INF2: variants seen among roughly 807,000 people sequenced by gnomAD.
The protein encoded by INF2 is inverted formin 2, also known as inverted formin-2.
Under a neutral mutation model 123.5 loss-of-function variants are expected in INF2, and 43 were observed. That is an observed-to-expected ratio of 0.35 (90% CI 0.27 to 0.45). The LOEUF (loss-of-function observed/expected upper bound fraction) is 0.45, where lower values mean the gene tolerates loss of function less well. INF2 is among the 20% of genes least tolerant of loss of function. The pLI, the probability that INF2 is intolerant of heterozygous loss-of-function variation, is 1.00. For synonymous variants in INF2, 851 were observed against 745.0 expected (o/e 1.14, Z -2.32); for missense variants, 1,453 against 1,682.7 (o/e 0.86, Z 2.39).
Position 104,701,642 on chromosome 14 carries a change from T to G in INF2, c.277T>G (p.Ser93Ala), listed in dbSNP as rs1210129799. Residue 93 changes from serine to alanine, a missense_variant, in exon 2 of 23, where the codon TCC becomes GCC. By Grantham distance (99) the Ser-to-Ala change is moderately conservative. Coordinates refer to ENST00000392634, the MANE Select transcript of INF2 (RefSeq NM_022489.4). The part of the protein sequence containing the change: ...RLSGRGVARI[S>A]DALLQLTCVS... ...GTCGGGCCGCGGCGTTGCACGTATC[T>G]CCGACGCCCTGCTGCAGCTCACCTG... The G allele has an allele frequency of 5.6e-6, 9 of 1,598,318 alleles. 1 individual carries two copies. In the East Asian group the frequency reaches 6.7e-5, roughly 12 times the overall value.
intron 18 of INF2, 21 bp from the exon 19 acceptor site, chr14:104,713,186 G>A (rs1240199370): frequency 6.4e-7 from 1 of 1,563,244 alleles, no homozygotes; most frequent in Admixed American, 1.9e-5. Context: ...TGGGGTGACG[G>A]GGCCACATCT....
intron 1 of INF2, chr14:104,700,793 G>C: frequency 1.0e-6 from 1 of 979,406 alleles, no homozygotes; most frequent in Non-Finnish European, 1.2e-6. Context: ...CTGAGGCCCA[G>C]GGGAGACCTG....
chr14:104,707,710 A>G lies in INF2; in HGVS notation c.1443A>G (p.Pro481=). ...PPAPPLPPPL[P]GSCEFLPPPP... ...CACCTCCTCTACCACCACCCCTGCCAGGCTCCTGTGAGTTCCTGCCCCCAC... is the reference window on the plus strand; with the variant it reads ...CACCTCCTCTACCACCACCCCTGCCGGGCTCCTGTGAGTTCCTGCCCCCAC... The change falls in exon 8 of 23, where the codon CCA becomes CCG. Residue 481 remains proline (P), a synonymous_variant. Transcript: ENST00000392634. 2.3e-6 allele frequency: 2 copies of G among 869,126 alleles called. No individual in the cohort carries two copies. Among genetic ancestry groups the G allele is most frequent in the Non-Finnish European group, 3.1e-6 (2 of 649,386 alleles). 53.8% of individuals were successfully genotyped at this position (869,126 alleles called of 1,614,324 possible). A position where few individuals can be genotyped will look rare whatever the true frequency, so the allele number is the denominator to read the frequency against.
intron 1 of INF2, chr14:104,691,389 G>A (rs1327980147): frequency 6.6e-6 from 1 of 152,264 alleles, no homozygotes; most frequent in Non-Finnish European, 1.5e-5. Context: ...GGACAGTGAA[G>A]TAAGCTCAAG....
chr14:104,692,867 G>A (rs1889019919), intron 1 of INF2, among the ~76,000 whole-genome samples: 1 of 152,246 alleles, frequency 6.6e-6, no homozygotes, highest in South Asian at 2.1e-4. Context: ...AGGCAGCAGG[G>A]AGGGAGAGAG....
upstream of INF2, among the ~76,000 whole-genome samples, chr14:104,688,357 C>G (rs1257184777): frequency 1.3e-5 from 2 of 152,092 alleles, no homozygotes; most frequent in Admixed American, 6.5e-5. Flanking sequence ...CCCACCGGAG[C>G]GGAGGCACAC....
intron 22 of INF2, chr14:104,717,427 G>C (rs567881097): frequency 2.0e-5 from 3 of 152,262 alleles, no homozygotes; most frequent in Non-Finnish European, 4.4e-5. Context: ...TCTAATACTC[G>C]GTCCCAGTGC....
chr14:104,697,478 G>A (rs536543814), intron 1 of INF2, among the ~76,000 whole-genome samples: 29 of 152,254 alleles, frequency 1.9e-4, no homozygotes, highest in Non-Finnish European at 4.0e-4. Context: ...CTGCACCGCA[G>A]GGGCTAGGCA....
chr14:104,719,224 G>A lies in INF2; in HGVS notation c.*431G>A, dbSNP rs147810124. 188 of 177,784 alleles carry A rather than the reference G, an allele frequency of 1.1e-3. 2 individuals carry two copies. Among genetic ancestry groups the A allele is most frequent in the African/African-American group, 4.3e-3 (181 of 42,292 alleles). The allele number at this position is 177,784 out of a possible 1,614,324, so 11.0% of individuals were successfully genotyped here. On this transcript the variant is annotated 3_prime_UTR_variant, in exon 23 of 23. Coordinates refer to ENST00000392634, the MANE Select transcript of INF2 (RefSeq NM_022489.4). ...ACTGCTTGGAGGTGGCTGAGTTGGG[G>A]GCCCTGGGCAGGGGTAAGCTGGCAG... is the stretch of plus-strand genomic sequence containing the variant.
At chr14:104,708,347 A>G (rs1889882629) in intron 8 of INF2, 89 bp from the exon 9 acceptor site, 1 of 1,523,020 alleles carries the variant, frequency 6.6e-7, no homozygotes, top group African/African-American at 1.4e-5. Context: ...GACATCCTTT[A>G]GACCCTCTGG....
intron 22 of INF2, among the ~76,000 whole-genome samples, chr14:104,717,308 CAGGGCGCGCTGCCGTCCTCCTAGTCCG>C (rs1890352583): frequency 1.8e-5 from 2 of 112,668 alleles, no homozygotes; most frequent in African/African-American, 7.3e-5. Flanking sequence ...CCCCCCCGGG[CAGGGCGCGCTGCCGTCCTCCTAGTCCG>C]CCCCCCCGGG....
chr14:104,715,176 CAG>C, intron 21 of INF2, 106 bp from the exon 22 acceptor site: 1 of 1,105,992 alleles, frequency 9.0e-7, no homozygotes, highest in Non-Finnish European at 1.4e-6. Flanking sequence ...GGGCAGCCCT[CAG>C]AGGGTGTTGG....
At chr14:104,698,398 C>A (rs1889299043) in intron 1 of INF2, among the ~76,000 whole-genome samples, 1 of 152,240 alleles carries the variant, frequency 6.6e-6, no homozygotes, top group South Asian at 2.1e-4. Flanking sequence ...TCGGCCACCG[C>A]CACCCGCGTT....
At chr14:104,700,941 C>T (rs1371361419) in intron 1 of INF2, 5 of 854,420 alleles carry the variant, frequency 5.9e-6, no homozygotes, top group Non-Finnish European at 5.6e-6. Flanking sequence ...GCCTCAGATG[C>T]GCCGTTTTGT....
chr14:104,720,080 TCCTCCCCA>T lies in INF2; in HGVS notation c.*1288_*1295del. On this transcript the variant is annotated 3_prime_UTR_variant, in exon 23 of 23. Coordinates refer to ENST00000392634, the MANE Select transcript of INF2 (RefSeq NM_022489.4). ...CATCAGTCCGACCCCTTCCCCGTGC[TCCTCCCCA>T]GCCCTGGCAGCCACTCACCTGCACT... 6.5e-6 allele frequency: 1 copy of T among 153,414 alleles called. No homozygotes were observed. Among genetic ancestry groups the T allele is most frequent in the African/African-American group, 2.4e-5 (1 of 41,566 alleles). The allele number at this position is 153,414 out of a possible 1,614,324, so 9.5% of individuals were successfully genotyped here.
chr14:104,713,874 G>A (rs1393933712), intron 20 of INF2, among the ~76,000 whole-genome samples: 1 of 152,256 alleles, frequency 6.6e-6, no homozygotes, highest in East Asian at 1.9e-4. Flanking sequence ...CCAGAGAGAT[G>A]AGGCCAGGCC....
chr14:104,709,277 C>G lies in INF2; in HGVS notation c.1950-4C>G, dbSNP rs539363877. The G allele has an allele frequency of 4.7e-5, 76 of 1,611,440 alleles. No individual in the cohort carries two copies. In the South Asian group the frequency reaches 7.4e-4, roughly 16 times the overall value. On this transcript the variant is annotated splice_region_variant and splice_polypyrimidine_tract_variant and intron_variant, in intron 10 of 22. Transcript: ENST00000392634. ...ACCCCTGCCCGGTCCTCTCCCTGCT[C>G]CAGCTCCAACGAGGAGGTCGCTGCT...
At chr14:104,714,048 C>T (rs142876870) in intron 20 of INF2, among the ~76,000 whole-genome samples, 155 bp from the exon 21 acceptor site, 1 of 152,336 alleles carries the variant, frequency 6.6e-6, no homozygotes, top group Non-Finnish European at 1.5e-5. Flanking sequence ...AGACCAAGGA[C>T]GCTGAGGCCG....
At chr14:104,705,741 C>T (rs1889751255) in intron 5 of INF2, among the ~76,000 whole-genome samples, 1 of 152,218 alleles carries the variant, frequency 6.6e-6, no homozygotes, top group African/African-American at 2.4e-5. Context: ...GGCCTTGGTG[C>T]ACGTTACTCG....
Sources: allele counts gnomAD v4.1 joint callset (sites outside exome capture counted in the v4.1 genomes callset), GRCh38; gene constraint gnomAD v4.1.1; transcripts MANE v1.5; gene names NCBI Gene and HGNC (gene_info 2026-07-23, HGNC 2026-07-21).